The following FBXW7 variants were observed in gnomAD, a reference collection of about 807,000 sequenced individuals.
The protein encoded by FBXW7 is F-box and WD repeat domain containing 7.
In FBXW7, 11 loss-of-function variants were observed where a neutral mutation model predicts 86.3. That is an observed-to-expected ratio of 0.13 (90% confidence interval 0.08 to 0.21). The LOEUF is 0.21. Ranked by LOEUF, FBXW7 falls within the 10% of genes least tolerant of loss-of-function variation. The pLI, the probability that FBXW7 is intolerant of heterozygous loss-of-function variation, is 1.00. For missense variants in FBXW7, 488 were observed against 847.4 expected (o/e 0.58, Z 5.27); for synonymous variants, 313 against 297.9 (o/e 1.05, Z -0.52).
chr4:152,476,355 G>T (rs910750267), intron 2 of FBXW7, among the ~76,000 whole-genome samples: 4 of 152,070 alleles, frequency 2.6e-5, no homozygotes, highest in Non-Finnish European at 5.9e-5. Context: ...AGATCTAAAT[G>T]TAAGACACAA....
chr4:152,453,558 A>G (rs1742108526), intron 2 of FBXW7, among the ~76,000 whole-genome samples: 1 of 152,126 alleles, frequency 6.6e-6, no homozygotes, highest in Middle Eastern at 3.2e-3. Context: ...TTTCAAGGAG[A>G]AGGTACAGAA....
At chr4:152,325,107 G>C (rs1224507296) in intron 12 of FBXW7, 2 of 152,034 alleles carry the variant, frequency 1.3e-5, no homozygotes, top group African/African-American at 4.8e-5. Flanking sequence ...ATTTAAATTA[G>C]AATATTATAT....
chr4:152,417,703 G>A (rs140247091), intron 2 of FBXW7, among the ~76,000 whole-genome samples: 54 of 152,270 alleles, frequency 3.5e-4, no homozygotes, highest in African/African-American at 1.2e-3. Flanking sequence ...AAAGGCTGAA[G>A]AGGAGGGTGC....
At chr4:152,485,709 T>C (rs1164672313) in intron 2 of FBXW7, among the ~76,000 whole-genome samples, 2 of 152,222 alleles carry the variant, frequency 1.3e-5, no homozygotes, top group Non-Finnish European at 2.9e-5. Context: ...TTTGGTAAAA[T>C]AGCCAAGTCC....
intron 2 of FBXW7, among the ~76,000 whole-genome samples, chr4:152,521,373 A>G (rs1198873472): frequency 6.6e-6 from 1 of 152,194 alleles, no homozygotes; most frequent in Non-Finnish European, 1.5e-5. Context: ...AAGCAGAGGA[A>G]ACAGCAAGGT....
intron 4 of FBXW7, among the ~76,000 whole-genome samples, chr4:152,356,089 C>T (rs562775893): frequency 5.2e-4 from 79 of 152,134 alleles, no homozygotes; most frequent in African/African-American, 1.8e-3. Flanking sequence ...CTTTACCTCA[C>T]CTTGACTCTC....
intron 2 of FBXW7, among the ~76,000 whole-genome samples, chr4:152,438,593 T>G (rs922995327): frequency 2.0e-5 from 3 of 152,144 alleles, no homozygotes; most frequent in African/African-American, 7.2e-5. Flanking sequence ...GAGAATCACT[T>G]GAACCCCAGA....
chr4:152,464,578 T>G (rs531762325), intron 2 of FBXW7, among the ~76,000 whole-genome samples: 1 of 152,052 alleles, frequency 6.6e-6, no homozygotes, highest in South Asian at 2.1e-4. Context: ...GAAGGGAAAA[T>G]GTTAATTTGT....
intron 2 of FBXW7, among the ~76,000 whole-genome samples, chr4:152,445,832 C>T (rs1485946767): frequency 2.0e-5 from 3 of 148,240 alleles, no homozygotes; most frequent in African/African-American, 7.4e-5. Flanking sequence ...ATCACTTGAA[C>T]CTAGGAGGCA....
intron 4 of FBXW7, among the ~76,000 whole-genome samples, chr4:152,368,529 G>C (rs1282881815): frequency 6.6e-6 from 1 of 152,044 alleles, no homozygotes. Context: ...TAAAATTTGT[G>C]AATCAGTTCT....
intron 4 of FBXW7, among the ~76,000 whole-genome samples, chr4:152,361,451 A>T (rs1732929173): frequency 6.6e-6 from 1 of 152,136 alleles, no homozygotes; most frequent in Non-Finnish European, 1.5e-5. Flanking sequence ...ATTCCAAAAG[A>T]CTCTGAAGGT....
chr4:152,507,482 T>C (rs1398634996), intron 2 of FBXW7, among the ~76,000 whole-genome samples: 3 of 152,196 alleles, frequency 2.0e-5, no homozygotes, highest in East Asian at 1.9e-4. Context: ...CAGTGCAAAA[T>C]GAATCTGCTA....
chr4:152,433,711 CCAGTAGTCTT>C (rs1740116331), intron 2 of FBXW7, among the ~76,000 whole-genome samples: 1 of 152,118 alleles, frequency 6.6e-6, no homozygotes, highest in Non-Finnish European at 1.5e-5. Flanking sequence ...AGGATTTTTT[CCAGTAGTCTT>C]CAGTCTTGAA....
chr4:152,501,960 A>G (rs1246672596), intron 2 of FBXW7, among the ~76,000 whole-genome samples: 1 of 152,178 alleles, frequency 6.6e-6, no homozygotes, highest in Non-Finnish European at 1.5e-5. Context: ...AGATGCCACA[A>G]AGAAAATGCA....
At chr4:152,488,177 GTTA>G (rs1745520142) in intron 2 of FBXW7, among the ~76,000 whole-genome samples, 1 of 151,814 alleles carries the variant, frequency 6.6e-6, no homozygotes, top group Non-Finnish European at 1.5e-5. Flanking sequence ...TCCTATTAAA[GTTA>G]TTATTTTAAA....
chr4:152,521,176 C>G (rs948568494), intron 2 of FBXW7, among the ~76,000 whole-genome samples: 1 of 151,770 alleles, frequency 6.6e-6, no homozygotes, highest in African/African-American at 2.4e-5. Context: ...ACTGAGAGAT[C>G]AGTAGAAAAG....
intron 2 of FBXW7, among the ~76,000 whole-genome samples, chr4:152,453,769 T>C (rs1742132803): frequency 6.6e-6 from 1 of 152,204 alleles, no homozygotes; most frequent in Non-Finnish European, 1.5e-5. Context: ...TTTGAATTTT[T>C]TCAGCATGTG....
intron 4 of FBXW7, among the ~76,000 whole-genome samples, chr4:152,372,108 T>G (rs556135871): frequency 6.6e-6 from 1 of 152,148 alleles, no homozygotes; most frequent in African/African-American, 2.4e-5. Flanking sequence ...GAGCTGTATT[T>G]TAATCACTGA....
intron 2 of FBXW7, among the ~76,000 whole-genome samples, chr4:152,520,459 A>T (rs1268601967): frequency 6.6e-6 from 1 of 150,908 alleles, no homozygotes; most frequent in South Asian, 2.1e-4. Flanking sequence ...AAAAAAAAAA[A>T]TCAATCATTA....
Sources: gnomAD v4.1 joint callset for allele counts (sites outside exome capture counted in the v4.1 genomes callset) on GRCh38, gnomAD v4.1.1 for gene constraint, MANE v1.5 for transcripts, NCBI Gene and HGNC (gene_info 2026-07-23, HGNC 2026-07-21) for gene names.